The following CADM1 variants were observed in gnomAD, a reference collection of about 807,000 sequenced individuals.
The protein encoded by CADM1 is TSLC-1.
CADM1 carries 15 observed loss-of-function variants against 53.1 expected under a neutral mutation model. The observed-to-expected ratio is 0.28, with a 90% CI of 0.19 to 0.44. The LOEUF is 0.44. Ranked by LOEUF, CADM1 falls within the 20% of genes least tolerant of loss-of-function variation. The pLI, the probability that CADM1 is intolerant of heterozygous loss-of-function variation, is 1.00. For synonymous variants in CADM1, 281 were observed against 243.0 expected (o/e 1.16, Z -1.45); for missense variants, 434 against 611.3 (o/e 0.71, Z 3.06).
chr11:115,209,091 G>C (rs564417436), intron 8 of CADM1, among the ~76,000 whole-genome samples: 3 of 152,318 alleles, frequency 2.0e-5, no homozygotes, highest in Admixed American at 2.0e-4. Flanking sequence ...AGTATCACTT[G>C]TCAGCGGGTA....
intron 9 of CADM1, among the ~76,000 whole-genome samples, chr11:115,195,666 A>G (rs1375649637): frequency 6.6e-6 from 1 of 152,248 alleles, no homozygotes; most frequent in Non-Finnish European, 1.5e-5. Flanking sequence ...CATTAGAATA[A>G]AATCAGTTCT....
At chr11:115,179,232 T>C (rs112028029) in intron 10 of CADM1, 26 of 203,224 alleles carry the variant, frequency 1.3e-4, no homozygotes, top group African/African-American at 5.9e-4. Context: ...GGGATATGCA[T>C]AGGAGAAGTA....
chr11:115,252,264 T>A (rs556377306), intron 1 of CADM1, among the ~76,000 whole-genome samples: 1 of 152,362 alleles, frequency 6.6e-6, no homozygotes, highest in East Asian at 1.9e-4. Flanking sequence ...AGTGAAGTAA[T>A]GCCTATGAAA....
chr11:115,181,330 T>C (rs1387865752), intron 10 of CADM1, among the ~76,000 whole-genome samples: 1 of 152,190 alleles, frequency 6.6e-6, no homozygotes, highest in Non-Finnish European at 1.5e-5. Flanking sequence ...GAGCTAAATA[T>C]GCTCAGTGTT....
rs988895048 is a variant in CADM1, at chr11:115,442,451, A to T, written c.124+61820T>A. On this transcript the variant is annotated intron_variant, in intron 1 of 11. Coordinates refer to ENST00000331581, the MANE Select transcript of CADM1 (RefSeq NM_001301043.2). ...GAAGTTCTCATTTATGTCACAAGCGAATAGACAGAAAATCATCATCTCTCC... is the reference window on the plus strand; with the variant it reads ...GAAGTTCTCATTTATGTCACAAGCGTATAGACAGAAAATCATCATCTCTCC... Among the ~76,000 whole-genome samples, 6 of 152,264 alleles carry T rather than the reference A, an allele frequency of 3.9e-5. No homozygotes were observed. The East Asian group carries it at 1.2e-3, about 29-fold the overall frequency.
At chr11:115,372,435 C>T (rs1390548011) in intron 1 of CADM1, among the ~76,000 whole-genome samples, 1 of 152,070 alleles carries the variant, frequency 6.6e-6, no homozygotes, top group Non-Finnish European at 1.5e-5. Flanking sequence ...CAGTTGCTCC[C>T]CCACTTATAA....
At chr11:115,290,958 C>T (rs575127916) in intron 1 of CADM1, among the ~76,000 whole-genome samples, 2 of 152,314 alleles carry the variant, frequency 1.3e-5, no homozygotes, top group East Asian at 1.9e-4. Context: ...AATAGAATAG[C>T]GCAGATCACC....
intron 1 of CADM1, among the ~76,000 whole-genome samples, chr11:115,386,138 A>C (rs1946694208): frequency 6.6e-6 from 1 of 152,260 alleles, no homozygotes; most frequent in African/African-American, 2.4e-5. Flanking sequence ...CAGTTCATTA[A>C]GTCATTCAGG....
chr11:115,245,879 A>G (rs1232709642), intron 1 of CADM1, among the ~76,000 whole-genome samples: 3 of 152,260 alleles, frequency 2.0e-5, no homozygotes, highest in Non-Finnish European at 4.4e-5. Context: ...TCAATTCATT[A>G]AACTGTTCCC....
At position 115,238,648 on chromosome 11, in the gene CADM1, C is replaced by G; in HGVS notation, c.276G>C (p.Leu92Phe). 1 of 1,613,800 alleles carries G rather than the reference C, an allele frequency of 6.2e-7. No individual in the cohort carries two copies. Residue 92 changes from leucine to phenylalanine, a missense_variant, in exon 3 of 12, where the codon TTG becomes TTC. Transcript: ENST00000331581. ...QTIYFRDFRP[L>F]KDSRFQLLNF... is the part of the protein sequence containing the mutation. ...TCAGCAACTGAAACCTGCTGTCCTT[C>G]AAAGCTGTGAAACAAAACAGAGAGT... is the stretch of plus-strand genomic sequence containing the variant.
At chr11:115,439,913 T>G (rs888271622) in intron 1 of CADM1, among the ~76,000 whole-genome samples, 1 of 152,246 alleles carries the variant, frequency 6.6e-6, no homozygotes, top group Non-Finnish European at 1.5e-5. Flanking sequence ...TATTATATGC[T>G]AATAAATTTC....
chr11:115,332,993 C>T (rs908059685), intron 1 of CADM1, among the ~76,000 whole-genome samples: 1 of 152,060 alleles, frequency 6.6e-6, no homozygotes, highest in African/African-American at 2.4e-5. Context: ...ACACCCTGTG[C>T]GAGGTCCTCC....
At chr11:115,240,646 C>T (rs1942195815) in intron 1 of CADM1, among the ~76,000 whole-genome samples, 1 of 152,142 alleles carries the variant, frequency 6.6e-6, no homozygotes, top group Non-Finnish European at 1.5e-5. Flanking sequence ...CTCTCAAAAG[C>T]TGTGGTACAA....
rs2134568642 is a variant in CADM1, at chr11:115,175,474, A to G, written c.*1000T>C. 6.1e-6 allele frequency: 6 copies of G among 985,678 alleles called. No homozygotes were observed. The highest frequency in any genetic ancestry group is 7.2e-6 in the Non-Finnish European group (6 of 829,924). 61.1% of individuals were successfully genotyped at this position (985,678 alleles called of 1,614,324 possible). On this transcript the variant is annotated 3_prime_UTR_variant, in exon 12 of 12. Transcript: ENST00000331581. ...TAGTGAGAAGTAAGGCCGATTGGGAAAGGTGGATGGAATCATTTGGAACAG... is the reference window on the plus strand; with the variant it reads ...TAGTGAGAAGTAAGGCCGATTGGGAGAGGTGGATGGAATCATTTGGAACAG...
At chr11:115,460,302 C>T (rs1406820461) in intron 1 of CADM1, among the ~76,000 whole-genome samples, 2 of 152,194 alleles carry the variant, frequency 1.3e-5, no homozygotes, top group Admixed American at 6.5e-5. Context: ...TTGGTTCACA[C>T]AACGTGAACA....
chr11:115,219,627 G>A (rs1941328980), intron 5 of CADM1, among the ~76,000 whole-genome samples: 1 of 152,148 alleles, frequency 6.6e-6, no homozygotes, highest in Non-Finnish European at 1.5e-5. Flanking sequence ...TGATAACTGG[G>A]TCGGGAAGGT....
chr11:115,252,102 G>T (rs1399246921), intron 1 of CADM1, among the ~76,000 whole-genome samples: 1 of 152,208 alleles, frequency 6.6e-6, no homozygotes, highest in Non-Finnish European at 1.5e-5. Context: ...CAGCTAAGAA[G>T]AAATGAGACC....
intron 1 of CADM1, among the ~76,000 whole-genome samples, chr11:115,402,515 T>C (rs1488853209): frequency 6.6e-6 from 1 of 152,074 alleles, no homozygotes; most frequent in East Asian, 1.9e-4. Context: ...AGAGTGAGAC[T>C]CTGTCTCAAA....
intron 1 of CADM1, among the ~76,000 whole-genome samples, chr11:115,318,330 A>G (rs1944729607): frequency 6.6e-6 from 1 of 152,180 alleles, no homozygotes; most frequent in Non-Finnish European, 1.5e-5. Flanking sequence ...ATAAAATCAC[A>G]AAGGAGTTTC....
Sources: allele counts gnomAD v4.1 joint callset (sites outside exome capture counted in the v4.1 genomes callset), GRCh38; gene constraint gnomAD v4.1.1; transcripts MANE v1.5; gene names NCBI Gene and HGNC (gene_info 2026-07-23, HGNC 2026-07-21).